The following SLC17A7 variants were observed in gnomAD, a reference collection of about 807,000 sequenced individuals.
SLC17A7 encodes solute carrier family 17 member 7.
A neutral mutation model predicts 59.1 loss-of-function variants in SLC17A7; 15 were observed. That is an observed-to-expected ratio of 0.25 (90% CI 0.17 to 0.39). The LOEUF is 0.39. SLC17A7 is among the 10% of genes least tolerant of loss of function. SLC17A7 has a pLI of 1.00. For missense variants in SLC17A7, 499 were observed against 765.1 expected (o/e 0.65, Z 4.10); for synonymous variants, 353 against 308.9 (o/e 1.14, Z -1.50).
chr19:49,435,087 G>A (rs553820373), intron 3 of SLC17A7, 81 bp downstream of exon 3: 15 of 1,168,228 alleles, frequency 1.3e-5, no homozygotes, highest in African/African-American at 3.1e-5. Flanking sequence ...ACCAGAGCCA[G>A]CCCGCAAATT....
Position 49,441,330 on chromosome 19 carries a change from C to T in SLC17A7, c.50G>A (p.Gly17Glu), listed in dbSNP as rs1386864915. ...EFRKLAGRAL[G>E]KLHRLLEKRQ... ...CCGCCAGGCTCACCGGTGCAGCTTC[C>T]CGAGAGCACGACCCGCTAGCTTCCG... The change falls in exon 1 of 12, where the codon GGG (glycine) becomes GAG (glutamate). Residue 17 changes from glycine (G) to glutamate (E), a missense_variant. Gly to Glu is a moderately conservative substitution (Grantham distance 98). Coordinates refer to ENST00000221485, the MANE Select transcript of SLC17A7 (RefSeq NM_020309.4). 1 of 1,610,418 alleles carries T rather than the reference C, an allele frequency of 6.2e-7. No homozygotes were observed. Among genetic ancestry groups the T allele is most frequent in the Non-Finnish European group, 8.5e-7 (1 of 1,179,114 alleles).
Position 49,433,055 on chromosome 19 carries a change from A to G in SLC17A7, c.868-95T>C, listed in dbSNP as rs145546580. On this transcript the variant is annotated intron_variant, in intron 7 of 11. Transcript: ENST00000221485. The surrounding 1 kb of genome is among the most constrained non-coding windows in gnomAD (Gnocchi z 5.7). ...ACCACAGTGTAGTTCTGCAGAAACC[A>G]AAGGATCCCGACCGCACTGAAACTT... The G allele has an allele frequency of 2.8e-4, 371 of 1,326,286 alleles. 2 individuals are homozygous for G. In the African/African-American group the frequency reaches 4.7e-3, roughly 17 times the overall value. The allele number at this position is 1,326,286 out of a possible 1,614,324, so 82.2% of individuals were successfully genotyped here.
chr19:49,436,573 G>T lies in SLC17A7; in HGVS notation c.291C>A (p.His97Gln), dbSNP rs2078980517. Residue 97 changes from histidine (H) to glutamine (Q), a missense_variant, in exon 2 of 12, where the codon CAC becomes CAA. Physicochemically the swap from His to Gln is conservative, Grantham distance 24. Around this residue, in one of 3 missense-constraint regions of SLC17A7, gnomAD observed 323 missense variants for 607.2 expected, o/e 0.53. Coordinates refer to ENST00000221485, the MANE Select transcript of SLC17A7 (RefSeq NM_020309.4). The surrounding 1 kb of genome is among the most constrained non-coding windows in gnomAD (Gnocchi z 4.1). ...IVSMVNNSTT[H>Q]RGGHVVVQKA... ...CCTGCACCACCACGTGGCCCCCGCG[G>T]TGGGTCGTGCTGTTATTGACCATGG... 5 of 1,613,648 alleles carry T rather than the reference G, an allele frequency of 3.1e-6. No individual in the cohort carries two copies. Among genetic ancestry groups the T allele is most frequent in the Non-Finnish European group, 4.2e-6 (5 of 1,179,970 alleles).
chr19:49,437,519 CAGAG>C (rs1300828548), intron 1 of SLC17A7: 1 of 152,882 alleles, frequency 6.5e-6, no homozygotes, highest in Non-Finnish European at 1.5e-5. Context: ...AGAGAGGCTG[CAGAG>C]AGAGAGAGGT....
At chr19:49,440,138 C>T (rs1186785470) in intron 1 of SLC17A7, among the ~76,000 whole-genome samples, 2 of 152,210 alleles carry the variant, frequency 1.3e-5, no homozygotes, top group African/African-American at 2.4e-5. Context: ...TCTTGTCTCT[C>T]ATGTTACTAG....
chr19:49,439,030 A>C (rs967045449), intron 1 of SLC17A7, among the ~76,000 whole-genome samples: 1 of 152,134 alleles, frequency 6.6e-6, no homozygotes, highest in African/African-American at 2.4e-5. Flanking sequence ...TGCAGGGGAC[A>C]AGGACAGAGA....
chr19:49,429,567 G>T lies in SLC17A7; in HGVS notation c.*952C>A. 2.5e-6 allele frequency: 1 copy of T among 399,060 alleles called. No homozygotes were observed. Among genetic ancestry groups the T allele is most frequent in the Non-Finnish European group, 4.4e-6 (1 of 226,098 alleles). The allele number at this position is 399,060 out of a possible 1,614,324, so 24.7% of individuals were successfully genotyped here. On this transcript the variant is annotated 3_prime_UTR_variant, in exon 12 of 12. Coordinates refer to ENST00000221485, the MANE Select transcript of SLC17A7 (RefSeq NM_020309.4). ...TCTCTATAGGTTCCCCAAATTCTAAGCTGAAAGAGGGGTGTCTGAGAGGGG... is the reference window on the plus strand; with the variant it reads ...TCTCTATAGGTTCCCCAAATTCTAATCTGAAAGAGGGGTGTCTGAGAGGGG...
chr19:49,434,929 C>T (rs1450266778), intron 3 of SLC17A7, 47 bp from the exon 4 acceptor site: 3 of 1,572,618 alleles, frequency 1.9e-6, no homozygotes, highest in Non-Finnish European at 2.6e-6. Context: ...CCAGCCATGC[C>T]CGGGATTCTG....
In SLC17A7 at chr19:49,431,899, A is replaced by G. The variant is rs1189165900; in HGVS notation, c.1151-451T>C. On this transcript the variant is annotated intron_variant, in intron 9 of 11. Coordinates refer to ENST00000221485, the MANE Select transcript of SLC17A7 (RefSeq NM_020309.4). The surrounding 1 kb of genome is among the most constrained non-coding windows in gnomAD (Gnocchi z 4.6). ...AGTGATCCACCGGCCTTCGCCTCCGAAAGTGCTGGGATAACAGGGGTTAGC... is the reference window on the plus strand; with the variant it reads ...AGTGATCCACCGGCCTTCGCCTCCGGAAGTGCTGGGATAACAGGGGTTAGC... 6.6e-6 allele frequency among the ~76,000 whole-genome samples: 1 copy of G among 152,028 alleles called. No individual in the cohort carries two copies. Among genetic ancestry groups the G allele is most frequent in the African/African-American group, 2.4e-5 (1 of 41,372 alleles).
chr19:49,433,364 G>A lies in SLC17A7; in HGVS notation c.867+362C>T. On this transcript the variant is annotated intron_variant, in intron 7 of 11. Coordinates refer to ENST00000221485, the MANE Select transcript of SLC17A7 (RefSeq NM_020309.4). The surrounding 1 kb of genome is among the most constrained non-coding windows in gnomAD (Gnocchi z 5.7). ...GCAGCCTCCACCCCCAAAGTGTTGG[G>A]ATTGCAGGCGGAAGCCACTGAGCCT... 2.3e-6 allele frequency: 1 copy of A among 441,988 alleles called. No individual in the cohort carries two copies. Among genetic ancestry groups the A allele is most frequent in the Middle Eastern group, 3.3e-4 (1 of 2,990 alleles). The allele number at this position is 441,988 out of a possible 1,614,324, so 27.4% of individuals were successfully genotyped here. A position where few individuals can be genotyped will look rare whatever the true frequency, so the allele number is the denominator to read the frequency against.
In SLC17A7 at chr19:49,436,200, C is replaced by T. The variant is rs574084970; in HGVS notation, c.315+349G>A. 1.3e-5 allele frequency: 4 copies of T among 309,210 alleles called. No homozygotes were observed. The highest frequency in any genetic ancestry group is 1.1e-4 in the South Asian group (2 of 18,866). 19.2% of individuals were successfully genotyped at this position (309,210 alleles called of 1,614,324 possible). On this transcript the variant is annotated intron_variant, in intron 2 of 11. Coordinates refer to ENST00000221485, the MANE Select transcript of SLC17A7 (RefSeq NM_020309.4). The surrounding 1 kb of genome is among the most constrained non-coding windows in gnomAD (Gnocchi z 4.1). ...GGACTGAGATTAAATAGATGTGACC[C>T]GGGGACATGAGCTTGGGGTACAGGC...
At chr19:49,434,380 T>G (rs1186472561) in intron 5 of SLC17A7, among the ~76,000 whole-genome samples, 1 of 142,128 alleles carries the variant, frequency 7.0e-6, no homozygotes, top group South Asian at 2.3e-4. Flanking sequence ...CCCTCCTCCC[T>G]CAGACCCAAG....
At position 49,436,583 on chromosome 19, in the gene SLC17A7, C is replaced by T. The variant is rs1201204033; in HGVS notation, c.281G>A (p.Ser94Asn). ...GVAIVSMVNN[S>N]TTHRGGHVVV... The stretch of plus-strand genomic sequence containing the variant: ...CACGTGGCCCCCGCGGTGGGTCGTG[C>T]TGTTATTGACCATGGAGACGATGGC... Residue 94 changes from serine to asparagine, a missense_variant, in exon 2 of 12, where the codon AGC becomes AAC. Around this residue, in one of 3 missense-constraint regions of SLC17A7, gnomAD observed 323 missense variants for 607.2 expected, o/e 0.53. Coordinates refer to ENST00000221485, the MANE Select transcript of SLC17A7 (RefSeq NM_020309.4). This position sits in a 1 kb window ranked among gnomAD's most constrained non-coding sequence, Gnocchi z 4.1. 2 of 1,613,860 alleles carry T rather than the reference C, an allele frequency of 1.2e-6. No homozygotes were observed. Among genetic ancestry groups the T allele is most frequent in the Non-Finnish European group, 1.7e-6 (2 of 1,179,976 alleles).
intron 2 of SLC17A7, chr19:49,435,641 G>T: frequency 5.5e-6 from 1 of 181,610 alleles, no homozygotes; most frequent in Non-Finnish European, 1.1e-5. Context: ...CAGGGTCCAG[G>T]CGGGGACACG....
Position 49,432,566 on chromosome 19 carries a change from C to T in SLC17A7, c.1103G>A (p.Arg368His), listed in dbSNP as rs1021961440. 1 of 1,610,784 alleles carries T rather than the reference C, an allele frequency of 6.2e-7. No individual in the cohort carries two copies. Among genetic ancestry groups the T allele is most frequent in the Non-Finnish European group, 8.5e-7 (1 of 1,179,080 alleles). The stretch of plus-strand genomic sequence containing the variant: ...CACGTTGGTGGTGGACATGATGCGG[C>T]GGCTCCGCAGGAAGTCCGCGATCTG... ...GGQIADFLRS[R>H]RIMSTTNVRK... is the part of the protein sequence containing the mutation. Residue 368 changes from arginine to histidine, a missense_variant, in exon 9 of 12, where the codon CGC becomes CAC. Arg to His is a conservative substitution (Grantham distance 29). This residue lies in a region of SLC17A7 where 323 missense variants were observed against 607.2 expected (regional missense o/e 0.53). Transcript: ENST00000221485.
At chr19:49,438,001 A>G (rs1329542454) in intron 1 of SLC17A7, 3 of 147,106 alleles carry the variant, frequency 2.0e-5, no homozygotes, top group Non-Finnish European at 4.5e-5. Flanking sequence ...GAGACCCAGA[A>G]AGAGGGGGAC....
intron 3 of SLC17A7, 79 bp downstream of exon 3, chr19:49,435,089 C>A: frequency 8.4e-7 from 1 of 1,185,758 alleles, no homozygotes; most frequent in Admixed American, 1.8e-5. Context: ...CAGAGCCAGC[C>A]CGCAAATTCA....
intron 11 of SLC17A7, 25 bp from the exon 12 acceptor site, chr19:49,430,837 T>C (rs1208276293): frequency 6.3e-7 from 1 of 1,584,574 alleles, no homozygotes. Context: ...AGGGCTGAGG[T>C]CAAATGGGAG....
chr19:49,430,564 G>T lies in SLC17A7; in HGVS notation c.1638C>A (p.Ser546Arg). 1 of 1,607,524 alleles carries T rather than the reference G, an allele frequency of 6.2e-7. No homozygotes were observed. Among genetic ancestry groups the T allele is most frequent in the Non-Finnish European group, 8.5e-7 (1 of 1,176,280 alleles). The change falls in exon 12 of 12, where the codon AGC (serine) becomes AGA (arginine). Residue 546 changes from serine (S) to arginine (R), a missense_variant. Physicochemically the swap from Ser to Arg is moderately radical, Grantham distance 110. Coordinates refer to ENST00000221485, the MANE Select transcript of SLC17A7 (RefSeq NM_020309.4). ...APPPSYGATH[S>R]TFQPPRPPPP... is the part of the protein sequence containing the mutation. ...GTGGGGGCCTGGGGGGCTGAAATGT[G>T]CTGTGTGTGGCCCCATAGGAGGGCG...
Sources: allele counts gnomAD v4.1 joint callset (sites outside exome capture counted in the v4.1 genomes callset), GRCh38; gene constraint gnomAD v4.1.1; regional missense constraint gnomAD v4.1.1; non-coding constraint Gnocchi (gnomAD v3.1); transcripts MANE v1.5; gene names NCBI Gene and HGNC (gene_info 2026-07-23, HGNC 2026-07-21).